Variants in DCAF13 observed in about 807,000 individuals in gnomAD.
DCAF13 encodes DDB1 and CUL4 associated factor 13, also known as DDB1- and CUL4-associated factor 13.
Under a neutral mutation model 59.0 loss-of-function variants are expected in DCAF13, and 38 were observed. The observed-to-expected ratio is 0.64, with a 90% CI of 0.50 to 0.84. DCAF13 has a LOEUF of 0.84. DCAF13 is among the 40% of genes least tolerant of loss of function. DCAF13 has a pLI of 0.00. For synonymous variants in DCAF13, 173 were observed against 175.0 expected (o/e 0.99, Z 0.09); for missense variants, 469 against 558.4 (o/e 0.84, Z 1.61).
At chr8:103,436,128 C>T (rs1586133823) in intron 8 of DCAF13, among the ~76,000 whole-genome samples, 2 of 152,232 alleles carry the variant, frequency 1.3e-5, no homozygotes, top group South Asian at 4.1e-4. Flanking sequence ...TATATGCAGT[C>T]TCTCATTGAC....
intron 1 of DCAF13, among the ~76,000 whole-genome samples, chr8:103,417,352 A>AG (rs398112815): frequency 6.6e-6 from 1 of 152,014 alleles, no homozygotes; most frequent in East Asian, 1.9e-4. Flanking sequence ...TTAAAAAAAA[A>AG]GATCTTTGGC....
intron 3 of DCAF13, among the ~76,000 whole-genome samples, chr8:103,422,346 A>G (rs528535728): frequency 6.6e-6 from 1 of 152,354 alleles, no homozygotes; most frequent in South Asian, 2.1e-4. Flanking sequence ...TCATCAATAT[A>G]GAACTAATCA....
chr8:103,426,148 A>G lies in DCAF13; in HGVS notation c.468+3A>G. 1 of 1,585,928 alleles carries G rather than the reference A, an allele frequency of 6.3e-7. No homozygotes were observed. The highest frequency in any genetic ancestry group is 8.6e-7 in the Non-Finnish European group (1 of 1,158,474). ...CATTACATACAATATTAGGAAAGGTACAAAAGTAAATTGACTAATAGCTTG... is the reference window on the plus strand; with the variant it reads ...CATTACATACAATATTAGGAAAGGTGCAAAAGTAAATTGACTAATAGCTTG... On this transcript the variant is annotated splice_donor_region_variant and intron_variant, in intron 4 of 10. Transcript: ENST00000612750.
At chr8:103,415,749 A>G (rs1816601059) in intron 1 of DCAF13, among the ~76,000 whole-genome samples, 1 of 152,184 alleles carries the variant, frequency 6.6e-6, no homozygotes, top group South Asian at 2.1e-4. Flanking sequence ...AGTGGGAAAC[A>G]GTTGTCTATA....
Position 103,415,474 on chromosome 8 carries a change from C to G in DCAF13, c.28C>G (p.Pro10Ala). 1 of 1,613,598 alleles carries G rather than the reference C, an allele frequency of 6.2e-7. No homozygotes were observed. The highest frequency in any genetic ancestry group is 8.5e-7 in the Non-Finnish European group (1 of 1,179,728). The change falls in exon 1 of 11, where the codon CCG (proline) becomes GCG (alanine). Residue 10 changes from proline to alanine, a missense_variant. Pro to Ala is a conservative substitution (Grantham distance 27). This residue lies in a region of DCAF13 where 355 missense variants were observed against 399.1 expected (regional missense o/e 0.89). Coordinates refer to ENST00000612750, the MANE Select transcript of DCAF13 (RefSeq NM_015420.7). ...GAAGGTGAAGATGCTGAGCCGGAAT[C>G]CGGACAATTATGTCCGCGAAACCAA... is the stretch of plus-strand genomic sequence containing the variant. MKVKMLSRN[P>A]DNYVRETKLD...
At chr8:103,427,491 C>G (rs1816810446) in intron 5 of DCAF13, 2 of 471,472 alleles carry the variant, frequency 4.2e-6, no homozygotes, top group Admixed American at 3.9e-5. Context: ...GTGCATTTGC[C>G]CATTGGGGTA....
chr8:103,415,611 C>T, intron 1 of DCAF13, 95 bp downstream of exon 1: 1 of 1,246,730 alleles, frequency 8.0e-7, no homozygotes, highest in South Asian at 1.5e-5. Flanking sequence ...GGCTGGCACT[C>T]TGGTCTGGTT....
rs751926148 is a variant in DCAF13, at chr8:103,435,738, G to C, written c.898G>C (p.Ala300Pro). ...YSPTGKEFVS[A>P]SFDKSIRIFP... is the part of the protein sequence containing the mutation. ...TCCCACTGGGAAGGAGTTTGTGTCT[G>C]CTAGTTTCGATAAATCTATTCGAAT... Residue 300 changes from alanine (A) to proline (P), a missense_variant, in exon 8 of 11, where the codon GCT becomes CCT. Ala to Pro is a conservative substitution (Grantham distance 27). Around this residue, in one of 3 missense-constraint regions of DCAF13, gnomAD observed 355 missense variants for 399.1 expected, o/e 0.89. Transcript: ENST00000612750. 6.2e-7 allele frequency: 1 copy of C among 1,613,746 alleles called. No individual in the cohort carries two copies. Among genetic ancestry groups the C allele is most frequent in the Admixed American group, 1.7e-5 (1 of 60,014 alleles).
At chr8:103,432,837 A>T in intron 7 of DCAF13, 96 bp downstream of exon 7, 1 of 690,892 alleles carries the variant, frequency 1.4e-6, no homozygotes, top group Non-Finnish European at 2.4e-6. Flanking sequence ...AGGTAGGTAT[A>T]CCTATAAAGT....
chr8:103,426,776 A>G (rs948058995), intron 4 of DCAF13, among the ~76,000 whole-genome samples: 1 of 152,118 alleles, frequency 6.6e-6, no homozygotes, highest in Non-Finnish European at 1.5e-5. Flanking sequence ...TATGGTTAGT[A>G]TATAATATTT....
At chr8:103,435,211 C>T (rs1047210214) in intron 7 of DCAF13, among the ~76,000 whole-genome samples, 4 of 151,850 alleles carry the variant, frequency 2.6e-5, no homozygotes, top group African/African-American at 4.8e-5. Flanking sequence ...TAATATGCTA[C>T]GTGAAATATC....
rs764023488 is a variant in DCAF13, at chr8:103,415,523, T to G, written c.70+7T>G. 3.7e-6 allele frequency: 6 copies of G among 1,600,150 alleles called. No individual in the cohort carries two copies. Among genetic ancestry groups the G allele is most frequent in the Non-Finnish European group, 5.1e-6 (6 of 1,171,352 alleles). ...AAGTTGGACTTACAGAGAGGTAAGA[T>G]AAGTTGGTAGGGAGAAAGGGACGGT... On this transcript the variant is annotated splice_region_variant and intron_variant, in intron 1 of 10. Coordinates refer to ENST00000612750, the MANE Select transcript of DCAF13 (RefSeq NM_015420.7).
chr8:103,425,323 A>T (rs941031675), intron 3 of DCAF13, among the ~76,000 whole-genome samples: 30 of 152,240 alleles, frequency 2.0e-4, no homozygotes, highest in Admixed American at 1.9e-3. Context: ...TAGCTTAAAC[A>T]TGTCTGCCAA....
intron 5 of DCAF13, 35 bp downstream of exon 5, chr8:103,427,287 T>C: frequency 2.6e-6 from 4 of 1,552,656 alleles, no homozygotes; most frequent in Middle Eastern, 1.7e-4. Context: ...TTACTTATTA[T>C]GGCTTAATAA....
At chr8:103,424,549 A>G (rs189732345) in intron 3 of DCAF13, among the ~76,000 whole-genome samples, 2 of 152,362 alleles carry the variant, frequency 1.3e-5, no homozygotes, top group East Asian at 1.9e-4. Context: ...AGCCAGGCAC[A>G]TATTCTTGTT....
At chr8:103,429,575 A>G (rs892604810) in intron 5 of DCAF13, 2 of 152,208 alleles carry the variant, frequency 1.3e-5, no homozygotes, top group African/African-American at 2.4e-5. Context: ...TTTTTACTTA[A>G]TGCCAAGGGG....
In DCAF13 at chr8:103,443,048, C is replaced by A. The variant is rs148779080; in HGVS notation, c.*166C>A. On this transcript the variant is annotated 3_prime_UTR_variant, in exon 11 of 11. Transcript: ENST00000612750. ...CCTGAAAAATGATCCTTAAAGGTGGCCTAGTTGGTAAGACTGTTTTATCCT... is the reference window on the plus strand; with the variant it reads ...CCTGAAAAATGATCCTTAAAGGTGGACTAGTTGGTAAGACTGTTTTATCCT... 5.7e-4 allele frequency: 279 copies of A among 490,396 alleles called. 2 individuals are homozygous for A. The highest frequency in any genetic ancestry group is 4.7e-3 in the African/African-American group (234 of 50,254). The allele number at this position is 490,396 out of a possible 1,614,324, so 30.4% of individuals were successfully genotyped here.
chr8:103,427,324 A>G, intron 5 of DCAF13, 72 bp downstream of exon 5: 1 of 1,341,244 alleles, frequency 7.5e-7, no homozygotes, highest in Non-Finnish European at 1.0e-6. Flanking sequence ...AAAACTTTTG[A>G]ATGTATGATA....
rs1249254811 is a variant in DCAF13, at chr8:103,435,767, T to C, written c.927T>C (p.Phe309=). ...SASFDKSIRI[F]PVDKSRSREV... The stretch of plus-strand genomic sequence containing the variant: ...GTTTCGATAAATCTATTCGAATCTT[T>C]CCTGTAGACAAAAGTCGAAGCAGGT... Residue 309 remains phenylalanine (F), a synonymous_variant, in exon 8 of 11, where the codon TTT becomes TTC. Transcript: ENST00000612750. 6 of 1,613,738 alleles carry C rather than the reference T, an allele frequency of 3.7e-6. No homozygotes were observed. Among genetic ancestry groups the C allele is most frequent in the Non-Finnish European group, 5.1e-6 (6 of 1,179,752 alleles).
Sources: allele counts gnomAD v4.1 joint callset (sites outside exome capture counted in the v4.1 genomes callset), GRCh38; gene constraint gnomAD v4.1.1; regional missense constraint gnomAD v4.1.1; transcripts MANE v1.5; gene names NCBI Gene and HGNC (gene_info 2026-07-23, HGNC 2026-07-21).